Variants in HS6ST3 observed in about 807,000 individuals in gnomAD.
The protein encoded by HS6ST3 is heparan sulfate 6-O-sulfotransferase 3.
HS6ST3 carries 12 observed loss-of-function variants against 36.7 expected under a neutral mutation model. The observed-to-expected ratio is 0.33, with a 90% CI of 0.21 to 0.53. HS6ST3 has a LOEUF of 0.53. Ranked by LOEUF, HS6ST3 falls within the 20% of genes least tolerant of loss-of-function variation. The pLI is 0.95. For missense variants in HS6ST3, 584 were observed against 640.9 expected, an observed-to-expected ratio of 0.91 and a Z score of 0.96; for synonymous variants, 240 against 257.5, an observed-to-expected ratio of 0.93 and a Z score of 0.65.
Position 96,091,089 on chromosome 13 carries a change from G to T in HS6ST3, c.227G>T (p.Arg76Leu). Reference protein sequence around the residue: ...ERRPQLPPPPRGPPEGPRGAA... With the variant: ...ERRPQLPPPPLGPPEGPRGAA... The stretch of plus-strand genomic sequence containing the variant: ...CGGCCCCAGTTGCCCCCGCCGCCCC[G>T]GGGGCCCCCCGAGGGACCTCGGGGG... The change falls in exon 1 of 2, where the codon CGG (arginine) becomes CTG (leucine). Residue 76 changes from arginine (R) to leucine (L), a missense_variant. By Grantham distance (102) the Arg-to-Leu change is moderately radical. Transcript: ENST00000376705. The T allele has an allele frequency of 7.7e-7, 1 of 1,294,524 alleles. No homozygotes were observed. Among genetic ancestry groups the T allele is most frequent in the Non-Finnish European group, 9.7e-7 (1 of 1,025,650 alleles). 80.2% of individuals were successfully genotyped at this position (1,294,524 alleles called of 1,614,324 possible). A position where few individuals can be genotyped will look rare whatever the true frequency, so the allele number is the denominator to read the frequency against.
chr13:96,446,174 A>C (rs1426146706), intron 1 of HS6ST3, among the ~76,000 whole-genome samples: 2 of 119,278 alleles, frequency 1.7e-5, no homozygotes, highest in East Asian at 3.1e-4. Flanking sequence ...CTCCATCTCA[A>C]AAAAAAAAAA....
intron 1 of HS6ST3, among the ~76,000 whole-genome samples, chr13:96,739,685 C>A (rs1876385114): frequency 6.6e-6 from 1 of 152,076 alleles, no homozygotes; most frequent in Non-Finnish European, 1.5e-5. Context: ...ATCTTTTGAC[C>A]ATATAATTGC....
At chr13:96,639,504 T>C (rs1160200) in intron 1 of HS6ST3, among the ~76,000 whole-genome samples, 64,019 of 151,728 alleles carry the variant, frequency 0.42, 13,784 homozygotes, top group Non-Finnish European at 0.46. Flanking sequence ...ATAATACATC[T>C]ATTAAACTTT....
At chr13:96,656,731 C>T (rs887803638) in intron 1 of HS6ST3, among the ~76,000 whole-genome samples, 2 of 152,036 alleles carry the variant, frequency 1.3e-5, no homozygotes, top group Non-Finnish European at 1.5e-5. Flanking sequence ...TGGAATCCTT[C>T]AATGAATTGG....
chr13:96,091,056 G>T lies in HS6ST3; in HGVS notation c.194G>T (p.Trp65Leu). 7.9e-7 allele frequency: 1 copy of T among 1,268,240 alleles called. No individual in the cohort carries two copies. The highest frequency in any genetic ancestry group is 3.2e-5 in the East Asian group (1 of 31,578). 78.6% of individuals were successfully genotyped at this position (1,268,240 alleles called of 1,614,324 possible). Residue 65 changes from tryptophan (W) to leucine (L), a missense_variant, in exon 1 of 2, where the codon TGG (tryptophan) becomes TTG (leucine). Trp to Leu is a moderately conservative substitution (Grantham distance 61). Around this residue, in one of 3 missense-constraint regions of HS6ST3, gnomAD observed 217 missense variants for 205.4 expected, o/e 1.06. Transcript: ENST00000376705. Reference sequence around the variant, plus strand: ...CGGGCTCAGGCGCCGCCGGAGGAGTGGGAGCGGCGGCCCCAGTTGCCCCCG... The same window carrying T: ...CGGGCTCAGGCGCCGCCGGAGGAGTTGGAGCGGCGGCCCCAGTTGCCCCCG... ...ARRAQAPPEE[W>L]ERRPQLPPPP...
intron 1 of HS6ST3, among the ~76,000 whole-genome samples, chr13:96,516,410 T>C (rs2056073059): frequency 6.6e-6 from 1 of 152,186 alleles, no homozygotes. Flanking sequence ...ACTTAACTTA[T>C]ACCTCTCATC....
intron 1 of HS6ST3, among the ~76,000 whole-genome samples, chr13:96,707,550 C>G (rs1436685421): frequency 1.3e-5 from 2 of 152,126 alleles, no homozygotes; most frequent in African/African-American, 2.4e-5. Flanking sequence ...TAAAGCCTAC[C>G]CATTTCATTG....
At chr13:96,821,098 AT>A (rs1878524434) in intron 1 of HS6ST3, among the ~76,000 whole-genome samples, 1 of 152,214 alleles carries the variant, frequency 6.6e-6, no homozygotes, top group African/African-American at 2.4e-5. Context: ...TCAAGTGTAA[AT>A]TTGTTACAGC....
intron 1 of HS6ST3, among the ~76,000 whole-genome samples, chr13:96,102,341 G>T (rs905514142): frequency 1.3e-5 from 2 of 152,140 alleles, no homozygotes; most frequent in African/African-American, 2.4e-5. Context: ...TGCTAGCTGG[G>T]TGTGGTGGTG....
At chr13:96,703,855 G>A (rs1158119753) in intron 1 of HS6ST3, among the ~76,000 whole-genome samples, 3 of 152,118 alleles carry the variant, frequency 2.0e-5, no homozygotes, top group East Asian at 1.9e-4. Flanking sequence ...TTTTCCCCAT[G>A]CTGTTCTCAT....
intron 1 of HS6ST3, among the ~76,000 whole-genome samples, chr13:96,119,451 A>T (rs559261663): frequency 2.0e-5 from 3 of 152,290 alleles, no homozygotes; most frequent in African/African-American, 7.2e-5. Context: ...ATGAAGTAAG[A>T]TTTGATGCTA....
intron 1 of HS6ST3, among the ~76,000 whole-genome samples, chr13:96,765,776 T>A (rs1285818964): frequency 6.8e-6 from 1 of 148,070 alleles, no homozygotes; most frequent in Non-Finnish European, 1.5e-5. Flanking sequence ...TTAAAGAGCA[T>A]TTTTTTTTTC....
chr13:96,583,604 T>C (rs1238085215), intron 1 of HS6ST3, among the ~76,000 whole-genome samples: 1 of 152,164 alleles, frequency 6.6e-6, no homozygotes, highest in Non-Finnish European at 1.5e-5. Flanking sequence ...TGAATGTGCT[T>C]TTCTCCACCA....
chr13:96,735,089 A>C (rs1876250024), intron 1 of HS6ST3, among the ~76,000 whole-genome samples: 1 of 152,208 alleles, frequency 6.6e-6, no homozygotes, highest in East Asian at 1.9e-4. Flanking sequence ...CAAAGAAAGT[A>C]AAGTCATCAG....
intron 1 of HS6ST3, among the ~76,000 whole-genome samples, chr13:96,324,238 A>G (rs2055019147): frequency 6.6e-6 from 1 of 152,226 alleles, no homozygotes. Flanking sequence ...CTCCACCAAC[A>G]TAACATATCT....
At chr13:96,777,819 A>G (rs193122233) in intron 1 of HS6ST3, among the ~76,000 whole-genome samples, 1 of 152,210 alleles carries the variant, frequency 6.6e-6, no homozygotes, top group Non-Finnish European at 1.5e-5. Flanking sequence ...ATTGGAAAAG[A>G]CTACTTTAAA....
intron 1 of HS6ST3, among the ~76,000 whole-genome samples, chr13:96,751,303 T>C (rs908693643): frequency 6.6e-6 from 1 of 152,062 alleles, no homozygotes; most frequent in Non-Finnish European, 1.5e-5. Flanking sequence ...AATTTTGTCA[T>C]TATAGGATAA....
At chr13:96,358,379 G>A (rs1193513252) in intron 1 of HS6ST3, among the ~76,000 whole-genome samples, 1 of 152,138 alleles carries the variant, frequency 6.6e-6, no homozygotes, top group Non-Finnish European at 1.5e-5. Flanking sequence ...GAACAATCTT[G>A]TAGTCTATGA....
chr13:96,091,115 G>A lies in HS6ST3; in HGVS notation c.253G>A (p.Ala85Thr), dbSNP rs1242407333. 3.5e-6 allele frequency: 5 copies of A among 1,424,446 alleles called. No homozygotes were observed. Among genetic ancestry groups the A allele is most frequent in the South Asian group, 1.5e-5 (1 of 65,054 alleles). 88.2% of individuals were successfully genotyped at this position (1,424,446 alleles called of 1,614,324 possible). ...PRGPPEGPRG[A>T]AAPEEEDEEP... ...GGGGCCCCCCGAGGGACCTCGGGGGGCCGCGGCGCCGGAGGAGGAGGACGA... is the reference window on the plus strand; with the variant it reads ...GGGGCCCCCCGAGGGACCTCGGGGGACCGCGGCGCCGGAGGAGGAGGACGA... The change falls in exon 1 of 2, where the codon GCC (alanine) becomes ACC (threonine). Residue 85 changes from alanine to threonine, a missense_variant. Ala to Thr is a moderately conservative substitution (Grantham distance 58). Coordinates refer to ENST00000376705, the MANE Select transcript of HS6ST3 (RefSeq NM_153456.4).
Sources: gnomAD v4.1 joint callset for allele counts (sites outside exome capture counted in the v4.1 genomes callset) on GRCh38, gnomAD v4.1.1 for gene constraint, gnomAD v4.1.1 regional missense constraint, MANE v1.5 for transcripts, NCBI Gene and HGNC (gene_info 2026-07-23, HGNC 2026-07-21) for gene names.